Variants in USH1C observed in about 807,000 individuals in gnomAD.
USH1C encodes the protein harmonin.
Under a neutral mutation model 119.3 loss-of-function variants are expected in USH1C, and 90 were observed. That is an observed-to-expected ratio of 0.75 (90% CI 0.64 to 0.90). The LOEUF is 0.90. Among genes scored for constraint, USH1C ranks in the 40% least tolerant of loss-of-function variants. The pLI is 0.00. For synonymous variants in USH1C, 465 were observed against 443.3 expected, an observed-to-expected ratio of 1.05 and a Z score of -0.62; for missense variants, 1,165 against 1,167.7, an observed-to-expected ratio of 1.00 and a Z score of 0.03.
chr11:17,520,002 G>A (rs960659103), intron 14 of USH1C, among the ~76,000 whole-genome samples: 1 of 152,212 alleles, frequency 6.6e-6, no homozygotes, highest in Non-Finnish European at 1.5e-5. Flanking sequence ...CCTTGCTGGA[G>A]GTTCCCAGGT....
At chr11:17,517,954 G>C (rs1850230414) in intron 14 of USH1C, among the ~76,000 whole-genome samples, 1 of 152,232 alleles carries the variant, frequency 6.6e-6, no homozygotes, top group Non-Finnish European at 1.5e-5. Context: ...GTCCTGAGGA[G>C]GTGGGGACAT....
chr11:17,507,867 A>G (rs865966938), intron 18 of USH1C, among the ~76,000 whole-genome samples: 26 of 151,978 alleles, frequency 1.7e-4, no homozygotes, highest in African/African-American at 6.3e-4. Context: ...TAAGCCCTCT[A>G]CTCTACAGAG....
intron 15 of USH1C, 127 bp from the exon 16 acceptor site, chr11:17,512,181 C>G: frequency 9.6e-7 from 1 of 1,046,302 alleles, no homozygotes; most frequent in Non-Finnish European, 1.5e-6. Context: ...GCTCTCTCAC[C>G]ACTCTGGACA....
chr11:17,522,287 G>A (rs1191895574), intron 12 of USH1C, among the ~76,000 whole-genome samples: 2 of 152,198 alleles, frequency 1.3e-5, no homozygotes, highest in African/African-American at 2.4e-5. Flanking sequence ...GCAGCCCTGT[G>A]GGGACTTGCC....
intron 8 of USH1C, among the ~76,000 whole-genome samples, chr11:17,526,131 G>A (rs1475666953): frequency 2.0e-5 from 3 of 152,178 alleles, no homozygotes; most frequent in Non-Finnish European, 2.9e-5. Flanking sequence ...AGCTGGGGAG[G>A]TTGAGGCTAC....
chr11:17,497,173 TTAACAAC>T lies in USH1C; in HGVS notation c.2491-367_2491-361del, dbSNP rs545520908. Among the ~76,000 whole-genome samples, 11 of 152,318 alleles carry T rather than the reference TTAACAAC, an allele frequency of 7.2e-5. No homozygotes were observed. In the East Asian group the frequency reaches 2.1e-3, roughly 29 times the overall value. On this transcript the variant is annotated intron_variant, in intron 24 of 26. Transcript: ENST00000005226. ...GGGTGAGTCCTGGGAAATAGTACTT[TTAACAAC>T]CTCTCTGGGTAATTCCGACGCACTT...
rs1265839727 is a variant in USH1C at position 17,522,873 on chromosome 11, A to C, written c.930T>G (p.Arg310=). ...TGAGAAGCTCCTGCCGCTGCAGCTC[A>C]CGCTGCCGCGCCTCTGCCAGCCGCT... ...DRERLAEARQ[R]ELQRQELLMQ... is the part of the protein sequence containing the mutation. The change falls in exon 12 of 27, where the codon CGT becomes CGG. Residue 310 remains arginine, a synonymous_variant. Coordinates refer to ENST00000005226, the MANE Select transcript of USH1C (RefSeq NM_153676.4). 6.2e-7 allele frequency: 1 copy of C among 1,611,078 alleles called. No homozygotes were observed. The highest frequency in any genetic ancestry group is 8.5e-7 in the Non-Finnish European group (1 of 1,179,022).
Position 17,533,364 on chromosome 11 carries a change from C to T in USH1C, c.37-42G>A, listed in dbSNP as rs753875378. 225 of 1,343,762 alleles carry T rather than the reference C, an allele frequency of 1.7e-4. 1 individual carries two copies. The highest frequency in any genetic ancestry group is 2.2e-4 in the Non-Finnish European group (215 of 989,038). 83.2% of individuals were successfully genotyped at this position (1,343,762 alleles called of 1,614,324 possible). On this transcript the variant is annotated intron_variant, in intron 1 of 26. Coordinates refer to ENST00000005226, the MANE Select transcript of USH1C (RefSeq NM_153676.4). ...CAGAATCACAGCTCCAGGCTCAGCA[C>T]CCGCCCCCATAGCAGACCTCAGGGA...
intron 1 of USH1C, among the ~76,000 whole-genome samples, chr11:17,541,822 A>T (rs898753627): frequency 4.6e-5 from 7 of 152,224 alleles, no homozygotes; most frequent in African/African-American, 1.7e-4. Context: ...GTGGGCCCAG[A>T]GCAGCCAGTA....
intron 9 of USH1C, among the ~76,000 whole-genome samples, chr11:17,523,701 A>G (rs1416420000): frequency 1.3e-5 from 2 of 152,218 alleles, no homozygotes; most frequent in African/African-American, 4.8e-5. Context: ...CTTATCAACT[A>G]TCAAATATTA....
chr11:17,522,024 AG>A (rs1850436724), intron 12 of USH1C, among the ~76,000 whole-genome samples: 1 of 151,952 alleles, frequency 6.6e-6, no homozygotes, highest in African/African-American at 2.4e-5. Context: ...GTAGAGACAC[AG>A]TTTCACCATG....
At position 17,533,472 on chromosome 11, in the gene USH1C, G is replaced by A. The variant is rs113289329; in HGVS notation, c.37-150C>T. ...GAGAAGAGGAGCCACAGGCCAGGCT[G>A]CCCCTCTGACCCCAATGCATCAGAC... On this transcript the variant is annotated intron_variant, in intron 1 of 26. Coordinates refer to ENST00000005226, the MANE Select transcript of USH1C (RefSeq NM_153676.4). 20 of 703,554 alleles carry A rather than the reference G, an allele frequency of 2.8e-5. No homozygotes were observed. In the East Asian group the frequency reaches 5.4e-4, roughly 19 times the overall value. 43.6% of individuals were successfully genotyped at this position (703,554 alleles called of 1,614,324 possible). A position where few individuals can be genotyped will look rare whatever the true frequency, so the allele number is the denominator to read the frequency against.
At chr11:17,530,012 G>A (rs1850886895) in intron 4 of USH1C, among the ~76,000 whole-genome samples, 1 of 152,350 alleles carries the variant, frequency 6.6e-6, no homozygotes, top group Non-Finnish European at 1.5e-5. Context: ...GCAGAGGAAA[G>A]AAATAATGAA....
rs397517878 is a variant in USH1C at position 17,498,194 on chromosome 11, C to T, written c.2458G>A (p.Ala820Thr). The T allele has an allele frequency of 6.8e-6, 11 of 1,613,970 alleles. No individual in the cohort carries two copies. The highest frequency in any genetic ancestry group is 6.6e-5 in the South Asian group (6 of 91,074). ...VTDYTLAEAE[A>T]ALQKAWNQGG... is the part of the protein sequence containing the mutation. ...TGATTCCAGGCCTTCTGCAGGGCAG[C>T]CTCAGCCTCAGCCAGGGTGTAGTCT... Residue 820 changes from alanine (A) to threonine (T), a missense_variant, in exon 24 of 27, where the codon GCT (alanine) becomes ACT (threonine). By Grantham distance (58) the Ala-to-Thr change is moderately conservative (BLOSUM62 0). Coordinates refer to ENST00000005226, the MANE Select transcript of USH1C (RefSeq NM_153676.4).
Position 17,523,350 on chromosome 11 carries a change from G to C in USH1C, c.819+69C>G. 3.1e-6 allele frequency: 5 copies of C among 1,613,734 alleles called. 1 individual carries two copies. In the South Asian group the frequency reaches 5.5e-5, roughly 18 times the overall value. On this transcript the variant is annotated intron_variant, in intron 10 of 26. Transcript: ENST00000005226. ...AGAGCACAGAAGGCCCCAGGCTCCAGGGTGGTGGGGATGAGAAGTGGGGTG... is the reference window on the plus strand; with the variant it reads ...AGAGCACAGAAGGCCCCAGGCTCCACGGTGGTGGGGATGAGAAGTGGGGTG...
Position 17,524,310 on chromosome 11 carries a change from G to T in USH1C, c.759+141C>A, listed in dbSNP as rs1414183251. 4 of 882,108 alleles carry T rather than the reference G, an allele frequency of 4.5e-6. No homozygotes were observed. In the African/African-American group the frequency reaches 5.0e-5, roughly 11 times the overall value. 54.6% of individuals were successfully genotyped at this position (882,108 alleles called of 1,614,324 possible). A position where few individuals can be genotyped will look rare whatever the true frequency, so the allele number is the denominator to read the frequency against. ...ATCCCCAGTCTGTGAAGCCTTCTCT[G>T]CAGGGTGGGTAGGGCTCCTACTCCC... On this transcript the variant is annotated intron_variant, in intron 9 of 26. Transcript: ENST00000005226.
rs1849430312 is a variant in USH1C, at chr11:17,501,210, G to A, written c.2281-60C>T. ...CAGACAGCAGCCTGTGGACACCTGG[G>A]CACCAAGGAGTCTCTTGACAGAGCC... On this transcript the variant is annotated intron_variant, in intron 22 of 26. Transcript: ENST00000005226. The A allele has an allele frequency of 2.9e-6, 4 of 1,362,938 alleles. No individual in the cohort carries two copies. The East Asian group carries it at 9.7e-5, about 33-fold the overall frequency. 84.4% of individuals were successfully genotyped at this position (1,362,938 alleles called of 1,614,324 possible). A position where few individuals can be genotyped will look rare whatever the true frequency, so the allele number is the denominator to read the frequency against.
intron 1 of USH1C, among the ~76,000 whole-genome samples, chr11:17,543,305 C>T (rs919315563): frequency 2.6e-5 from 4 of 152,228 alleles, no homozygotes; most frequent in African/African-American, 9.6e-5. Context: ...TCTAAAGACA[C>T]TGCCCCTGGG....
At chr11:17,523,395 C>T in intron 10 of USH1C, 24 bp downstream of exon 10, 1 of 1,614,140 alleles carries the variant, frequency 6.2e-7, no homozygotes. Flanking sequence ...CAAGGGCCAA[C>T]AGGTGAAGAC....
Sources: gnomAD v4.1 joint callset for allele counts (sites outside exome capture counted in the v4.1 genomes callset) on GRCh38, gnomAD v4.1.1 for gene constraint, MANE v1.5 for transcripts, NCBI Gene and HGNC (gene_info 2026-07-23, HGNC 2026-07-21) for gene names.